Variants in GRK1 observed in about 807,000 individuals in gnomAD.
GRK1 encodes the protein rhodopsin kinase GRK1.
Under a neutral mutation model 41.7 loss-of-function variants are expected in GRK1, and 28 were observed. The ratio of observed to expected loss-of-function variants is 0.67; its 90% CI spans 0.50 to 0.92. GRK1 has a LOEUF of 0.92. GRK1 is among the 40% of genes least tolerant of loss of function. The pLI is 0.00. For missense variants in GRK1, 703 were observed against 671.2 expected, an observed-to-expected ratio of 1.05 and a Z score of -0.52; for synonymous variants, 327 against 286.7, an observed-to-expected ratio of 1.14 and a Z score of -1.42.
chr13:113,659,448 G>T, the GRK1 span, among the ~76,000 whole-genome samples: 2 of 152,258 alleles, frequency 1.3e-5, no homozygotes, highest in African/African-American at 4.8e-5. Context: ...TTTCTTAGAA[G>T]AAACAAAATT....
chr13:113,650,722 C>T, the GRK1 span, among the ~76,000 whole-genome samples: 2 of 152,136 alleles, frequency 1.3e-5, no homozygotes, highest in African/African-American at 2.4e-5. This position sits in a 1 kb window ranked among gnomAD's most constrained non-coding sequence, Gnocchi z 5.0. Flanking sequence ...GCCCAGTGAC[C>T]CCTCCGTGTG....
At chr13:113,723,310 G>A (rs1209493773) in intron 4 of GRK1, among the ~76,000 whole-genome samples, 153 bp downstream of exon 4, 2 of 151,996 alleles carry the variant, frequency 1.3e-5, no homozygotes, top group African/African-American at 2.4e-5. Context: ...GCATTTGTGT[G>A]CATGTGAGTG....
the GRK1 span, among the ~76,000 whole-genome samples, chr13:113,656,291 G>C: frequency 6.6e-6 from 1 of 152,200 alleles, no homozygotes; most frequent in Non-Finnish European, 1.5e-5. Flanking sequence ...CGTGACGGCA[G>C]GGGTCTCTGT....
At chr13:113,651,483 C>G in the GRK1 span, among the ~76,000 whole-genome samples, 1 of 152,220 alleles carries the variant, frequency 6.6e-6, no homozygotes, top group Non-Finnish European at 1.5e-5. Flanking sequence ...CCCATTGTTT[C>G]CCTTGCTGGG....
intron 6 of GRK1, among the ~76,000 whole-genome samples, chr13:113,733,486 CGCGCGTGTGTGTATGTGTGT>C (rs2049952901): frequency 1.4e-5 from 2 of 144,456 alleles, no homozygotes; most frequent in African/African-American, 5.1e-5. Flanking sequence ...ATACTATGTG[CGCGCGTGTGTGTATGTGTGT>C]GCACGTGTGT....
chr13:113,649,376 A>G, the GRK1 span: 1 of 1,593,266 alleles, frequency 6.3e-7, no homozygotes, highest in Non-Finnish European at 8.6e-7. The surrounding 1 kb of genome is among the most constrained non-coding windows in gnomAD (Gnocchi z 4.7). Context: ...AAACCGTTTC[A>G]CTTCTCAATC....
chr13:113,665,204 C>A (rs1459234375), upstream of GRK1, among the ~76,000 whole-genome samples: 1 of 152,176 alleles, frequency 6.6e-6, no homozygotes, highest in African/African-American at 2.4e-5. Flanking sequence ...GAGCTGGAAC[C>A]AATCCCCTGC....
Position 113,735,252 on chromosome 13 carries a change from C to T in GRK1, c.1581C>T (p.Ile527=). 6.5e-7 allele frequency: 1 copy of T among 1,537,096 alleles called. No homozygotes were observed. Among genetic ancestry groups the T allele is most frequent in the Non-Finnish European group, 8.7e-7 (1 of 1,146,864 alleles). Residue 527 remains isoleucine (I), a synonymous_variant, in exon 7 of 7, where the codon ATC becomes ATT. Transcript: ENST00000335678. ...AGGAGGAGATGATCGAGACGGGCAT[C>T]TTTGGCGAGCTGAACGTGTGGCGCT... ...PWQEEMIETG[I]FGELNVWRSD... is the part of the protein sequence containing the mutation.
Position 113,731,258 on chromosome 13 carries a change from A to T in GRK1, c.1109A>T (p.Asp370Val). The T allele has an allele frequency of 6.5e-7, 1 of 1,536,972 alleles. No individual in the cohort carries two copies. The highest frequency in any genetic ancestry group is 1.7e-4 in the Middle Eastern group (1 of 5,986). ...GAGCTCCTGCAGGGCGAGGAGTACG[A>T]CTTCTCCGTGGACTACTTTGCCCTG... The part of the protein sequence containing the change: ...APELLQGEEY[D>V]FSVDYFALGV... Residue 370 changes from aspartate to valine, a missense_variant, in exon 5 of 7, where the codon GAC becomes GTC. Coordinates refer to ENST00000335678, the MANE Select transcript of GRK1 (RefSeq NM_002929.3). This position sits in a 1 kb window ranked among gnomAD's most constrained non-coding sequence, Gnocchi z 5.6.
intron 2 of GRK1, 23 bp downstream of exon 2, chr13:113,669,837 C>T (rs367694763): frequency 7.3e-5 from 118 of 1,612,664 alleles, no homozygotes; most frequent in East Asian, 6.5e-4. Context: ...CCAGAGGGCA[C>T]GAGGGGGCCC....
At chr13:113,660,076 G>C in the GRK1 span, among the ~76,000 whole-genome samples, 1 of 152,302 alleles carries the variant, frequency 6.6e-6, no homozygotes, top group East Asian at 1.9e-4. Flanking sequence ...ACATACGTGT[G>C]GGGAGGAGGG....
rs560117736 is a variant in GRK1, at chr13:113,667,293, A to G, written c.-94A>G. 543 of 1,254,252 alleles carry G rather than the reference A, an allele frequency of 4.3e-4. No individual in the cohort carries two copies. Among genetic ancestry groups the G allele is most frequent in the Non-Finnish European group, 5.6e-4 (516 of 922,954 alleles). The allele number at this position is 1,254,252 out of a possible 1,614,324, so 77.7% of individuals were successfully genotyped here. On this transcript the variant is annotated 5_prime_UTR_variant, in exon 1 of 7. Transcript: ENST00000335678. This position sits in a 1 kb window ranked among gnomAD's most constrained non-coding sequence, Gnocchi z 7.5. ...CAAGGGCAGGGACGGGCCACAGGCCAAGGGCAGCAGTCAGGCCTGCTCTGT... is the reference window on the plus strand; with the variant it reads ...CAAGGGCAGGGACGGGCCACAGGCCGAGGGCAGCAGTCAGGCCTGCTCTGT...
chr13:113,649,319 G>A, the GRK1 span: 1 of 1,544,944 alleles, frequency 6.5e-7, no homozygotes, highest in South Asian at 1.2e-5. This position sits in a 1 kb window ranked among gnomAD's most constrained non-coding sequence, Gnocchi z 4.7. Context: ...GCCCAACCAG[G>A]AGGGTGTCCT....
the GRK1 span, among the ~76,000 whole-genome samples, chr13:113,658,411 C>T: frequency 6.6e-6 from 1 of 152,254 alleles, no homozygotes; most frequent in Non-Finnish European, 1.5e-5. Context: ...CCCTTGGCTG[C>T]AGCTTTGTCT....
chr13:113,730,587 C>A (rs940967769), intron 4 of GRK1, among the ~76,000 whole-genome samples: 4 of 151,450 alleles, frequency 2.6e-5, no homozygotes, highest in Admixed American at 1.3e-4. Flanking sequence ...TCCTGAGTCC[C>A]CGTGGCTGCG....
At chr13:113,650,289 G>A in the GRK1 span, 22 of 972,486 alleles carry the variant, frequency 2.3e-5, no homozygotes, top group African/African-American at 6.5e-5. The surrounding 1 kb of genome is among the most constrained non-coding windows in gnomAD (Gnocchi z 5.0). Flanking sequence ...AGTCAGGACC[G>A]GCTAAGTCAC....
At chr13:113,655,369 A>C in the GRK1 span, among the ~76,000 whole-genome samples, 1 of 152,206 alleles carries the variant, frequency 6.6e-6, no homozygotes, top group African/African-American at 2.4e-5. Context: ...ATGGTGACCC[A>C]TAGTGCAGCC....
intron 4 of GRK1, among the ~76,000 whole-genome samples, chr13:113,729,045 C>T (rs2049914512): frequency 6.6e-6 from 1 of 152,200 alleles, no homozygotes; most frequent in Non-Finnish European, 1.5e-5. Flanking sequence ...AGGTGCTTGG[C>T]TGCCTCAGAG....
the GRK1 span, among the ~76,000 whole-genome samples, chr13:113,660,989 T>C: frequency 6.6e-6 from 1 of 152,174 alleles, no homozygotes; most frequent in Admixed American, 6.5e-5. Context: ...ACGGAAGAAC[T>C]CAACATCATC....
Sources: gnomAD v4.1 joint callset for allele counts (sites outside exome capture counted in the v4.1 genomes callset) on GRCh38, gnomAD v4.1.1 for gene constraint, Gnocchi (gnomAD v3.1) non-coding constraint, MANE v1.5 for transcripts, NCBI Gene and HGNC (gene_info 2026-07-23, HGNC 2026-07-21) for gene names.